The following EVA1B variants were observed in gnomAD, a reference collection of about 807,000 sequenced individuals.
The protein encoded by EVA1B is eva-1 homolog B, also known as protein eva-1 homolog B.
EVA1B carries 2 observed loss-of-function variants against 4.6 expected under a neutral mutation model. That is an observed-to-expected ratio of 0.43 (90% CI 0.18 to 1.37). The LOEUF (loss-of-function observed/expected upper bound fraction) is 1.37. Ranked by LOEUF, EVA1B falls within the 40% of genes most tolerant of loss-of-function variation. The pLI is 0.28. For missense variants in EVA1B, 263 were observed against 240.4 expected, an observed-to-expected ratio of 1.09 and a Z score of -0.62; for synonymous variants, 124 against 115.8, an observed-to-expected ratio of 1.07 and a Z score of -0.46.
chr1:36,322,720 G>T lies in EVA1B; in HGVS notation c.73C>A (p.Pro25Thr). Residue 25 changes from proline to threonine, a missense_variant, in exon 3 of 3, where the codon CCC (proline) becomes ACC (threonine). Physicochemically the swap from Pro to Thr is conservative, Grantham distance 38. Transcript: ENST00000490466. ...LAAYAHIRANPESFGLYFVLG... is the reference protein window; with the variant it reads ...LAAYAHIRANTESFGLYFVLG... ...ACGAAGTAGAGGCCGAAGCTCTCGG[G>T]GTTGGCTGCGGGGCACAGGGCGGGG... The T allele has an allele frequency of 1.3e-6, 2 of 1,546,740 alleles. No individual in the cohort carries two copies. The highest frequency in any genetic ancestry group is 2.7e-5 in the African/African-American group (2 of 73,104).
At position 36,322,498 on chromosome 1, in the gene EVA1B, C is replaced by A; in HGVS notation, c.295G>T (p.Glu99Ter). The A allele has an allele frequency of 6.2e-7, 1 of 1,602,696 alleles. No homozygotes were observed. The highest frequency in any genetic ancestry group is 8.5e-7 in the Non-Finnish European group (1 of 1,178,904). The change falls in exon 3 of 3, where the codon GAG (glutamate) becomes TAG (stop). Residue 99 changes from glutamate to a stop codon, truncating the protein, a stop_gained. Coordinates refer to ENST00000490466, the MANE Select transcript of EVA1B (RefSeq NM_001304762.2). LOFTEE classifies it high-confidence loss of function. The part of the protein sequence containing the change: ...LGPDDTLPGP[E>*]LSAEPDGPLN... ...GGCCCGTCCGGCTCTGCGGACAGCTCGGGGCCCGGCAGCGTGTCGTCGGGG... is the reference window on the plus strand; with the variant it reads ...GGCCCGTCCGGCTCTGCGGACAGCTAGGGGCCCGGCAGCGTGTCGTCGGGG...
chr1:36,322,838 A>G, intron 2 of EVA1B, 113 bp from the exon 3 acceptor site: 2 of 1,483,664 alleles, frequency 1.3e-6, no homozygotes, highest in Non-Finnish European at 1.8e-6. Context: ...CCCTACTCGA[A>G]GGGCATTAGG....
chr1:36,322,815 C>T, intron 2 of EVA1B, 90 bp from the exon 3 acceptor site: 4 of 1,486,234 alleles, frequency 2.7e-6, no homozygotes, highest in Non-Finnish European at 3.7e-6. Flanking sequence ...GGTGTGGGGG[C>T]GAGGCCTGTA....
At chr1:36,323,847 T>G (rs1646512078), upstream of EVA1B, 1 of 152,232 alleles carries the variant, frequency 6.6e-6, no homozygotes, top group African/African-American at 2.4e-5. Context: ...GAGCTCTGCC[T>G]GCGTGCGGGC....
At chr1:36,323,177 G>C (rs1646497589) in intron 1 of EVA1B, 110 bp from the exon 2 acceptor site, 8 of 913,142 alleles carry the variant, frequency 8.8e-6, no homozygotes, top group Non-Finnish European at 1.3e-5. Flanking sequence ...ACCCTGGAGA[G>C]AGCGCTTCCC....
Position 36,322,364 on chromosome 1 carries a change from C to A in EVA1B, c.429G>T (p.Leu143=). The A allele has an allele frequency of 6.3e-7, 1 of 1,588,144 alleles. No individual in the cohort carries two copies. Among genetic ancestry groups the A allele is most frequent in the Non-Finnish European group, 8.5e-7 (1 of 1,174,902 alleles). The stretch of plus-strand genomic sequence containing the variant: ...TGGGCCCCAGCGTGCCTGTGCCCAG[C>A]AGGTCCGGCTGCCCGGTGCGCCAGA... ...REIWRTGQPD[L]LGTGTLGPSP... Residue 143 remains leucine, a synonymous_variant, in exon 3 of 3, where the codon CTG becomes CTT. Transcript: ENST00000490466.
At position 36,323,082 on chromosome 1, in the gene EVA1B, A is replaced by C. The variant is rs1205771187; in HGVS notation, c.-30-15T>G. The C allele has an allele frequency of 6.3e-7, 1 of 1,584,036 alleles. No individual in the cohort carries two copies. The highest frequency in any genetic ancestry group is 8.6e-7 in the Non-Finnish European group (1 of 1,168,930). Reference sequence around the variant, plus strand: ...CCCCTACCAGCCTGCGAGGTCAGCAAAGTCAGATCCTTCTCCCAGCCTGGA... The same window carrying C: ...CCCCTACCAGCCTGCGAGGTCAGCACAGTCAGATCCTTCTCCCAGCCTGGA... On this transcript the variant is annotated splice_polypyrimidine_tract_variant and intron_variant, in intron 1 of 2. Transcript: ENST00000490466.
chr1:36,322,819 G>A lies in EVA1B; in HGVS notation c.68-94C>T, dbSNP rs576634477. The stretch of plus-strand genomic sequence containing the variant: ...CCCAGGTTCTAGGTGTGGGGGCGAG[G>A]CCTGTAACCCCTACTCGAAGGGCAT... On this transcript the variant is annotated intron_variant, in intron 2 of 2. Coordinates refer to ENST00000490466, the MANE Select transcript of EVA1B (RefSeq NM_001304762.2). The A allele has an allele frequency of 2.7e-6, 4 of 1,483,916 alleles. No homozygotes were observed. The African/African-American group carries it at 5.5e-5, about 21-fold the overall frequency. The allele number at this position is 1,483,916 out of a possible 1,614,324, so 91.9% of individuals were successfully genotyped here.
At position 36,322,288 on chromosome 1, in the gene EVA1B, G is replaced by T. The variant is rs1219993986; in HGVS notation, c.*7C>A. 1 of 1,502,228 alleles carries T rather than the reference G, an allele frequency of 6.7e-7. No individual in the cohort carries two copies. The highest frequency in any genetic ancestry group is 8.8e-7 in the Non-Finnish European group (1 of 1,132,776). The allele number at this position is 1,502,228 out of a possible 1,614,324, so 93.1% of individuals were successfully genotyped here. ...CCCGAGCGCCTTGCAGCGGGAGCCGGGGCCCATCAGTAATAGTGCATGCGG... is the reference window on the plus strand; with the variant it reads ...CCCGAGCGCCTTGCAGCGGGAGCCGTGGCCCATCAGTAATAGTGCATGCGG... On this transcript the variant is annotated 3_prime_UTR_variant, in exon 3 of 3. Transcript: ENST00000490466.
Position 36,322,428 on chromosome 1 carries a change from G to T in EVA1B, c.365C>A (p.Ala122Glu), listed in dbSNP as rs1382539537. The change falls in exon 3 of 3, where the codon GCG becomes GAG. Residue 122 changes from alanine to glutamate, a missense_variant. Ala to Glu is a moderately radical substitution (Grantham distance 107). Transcript: ENST00000490466. ...CCGTTCGCGCTCCTCCAGCCGCTGC[G>T]CCCGCTCCAGCTCCTCCGCCGACGT... ...VFTSAEELER[A>E]QRLEERERIL... 1.9e-6 allele frequency: 3 copies of T among 1,602,962 alleles called. No individual in the cohort carries two copies. Among genetic ancestry groups the T allele is most frequent in the Non-Finnish European group, 1.7e-6 (2 of 1,179,354 alleles).
At position 36,322,362 on chromosome 1, in the gene EVA1B, A is replaced by AG; in HGVS notation, c.430dup (p.Leu144ProfsTer100). 6.3e-7 allele frequency: 1 copy of AG among 1,588,196 alleles called. No individual in the cohort carries two copies. Among genetic ancestry groups the AG allele is most frequent in the Non-Finnish European group, 8.5e-7 (1 of 1,175,028 alleles). ...GCTGGGCCCCAGCGTGCCTGTGCCC[A>AG]GCAGGTCCGGCTGCCCGGTGCGCCA... is the stretch of plus-strand genomic sequence containing the variant. On this transcript the variant is annotated frameshift_variant, in exon 3 of 3. Transcript: ENST00000490466. LOFTEE classifies it high-confidence loss of function.
Position 36,322,042 on chromosome 1 carries a change from C to T in EVA1B, c.*253G>A. On this transcript the variant is annotated 3_prime_UTR_variant, in exon 3 of 3. Coordinates refer to ENST00000490466, the MANE Select transcript of EVA1B (RefSeq NM_001304762.2). ...GGGAGAGACTGAGTCACTGAGAATG[C>T]AGCTTTCTTTCATTTGGTCACTTCA... The T allele has an allele frequency of 7.7e-7, 1 of 1,304,558 alleles. No homozygotes were observed. The highest frequency in any genetic ancestry group is 3.1e-5 in the East Asian group (1 of 32,282). 80.8% of individuals were successfully genotyped at this position (1,304,558 alleles called of 1,614,324 possible).
rs1270131700 is a variant in EVA1B, at chr1:36,322,840, G to A, written c.68-115C>T. The stretch of plus-strand genomic sequence containing the variant: ...CGAGGCCTGTAACCCCTACTCGAAG[G>A]GCATTAGGGAACCGCCAGCGGGCAA... On this transcript the variant is annotated intron_variant, in intron 2 of 2. Coordinates refer to ENST00000490466, the MANE Select transcript of EVA1B (RefSeq NM_001304762.2). 14 of 1,490,140 alleles carry A rather than the reference G, an allele frequency of 9.4e-6. No individual in the cohort carries two copies. The East Asian group carries it at 2.1e-4, about 22-fold the overall frequency. The allele number at this position is 1,490,140 out of a possible 1,614,324, so 92.3% of individuals were successfully genotyped here.
chr1:36,322,143 G>C lies in EVA1B; in HGVS notation c.*152C>G. 2 of 1,355,064 alleles carry C rather than the reference G, an allele frequency of 1.5e-6. No homozygotes were observed. Among genetic ancestry groups the C allele is most frequent in the African/African-American group, 1.5e-5 (1 of 64,922 alleles). 83.9% of individuals were successfully genotyped at this position (1,355,064 alleles called of 1,614,324 possible). A position where few individuals can be genotyped will look rare whatever the true frequency, so the allele number is the denominator to read the frequency against. ...CCCCGCCCCCGGGGTCTTCTGGCAG[G>C]ACTGGGGAAGGGAGCCTCTCAGGGG... On this transcript the variant is annotated 3_prime_UTR_variant, in exon 3 of 3. Coordinates refer to ENST00000490466, the MANE Select transcript of EVA1B (RefSeq NM_001304762.2).
Position 36,322,741 on chromosome 1 carries a change from C to A in EVA1B, c.68-16G>T, listed in dbSNP as rs1431530624. Reference sequence around the variant, plus strand: ...TCGGGGTTGGCTGCGGGGCACAGGGCGGGGGTCACGGAGAGGCCCGGACGG... The same window carrying A: ...TCGGGGTTGGCTGCGGGGCACAGGGAGGGGGTCACGGAGAGGCCCGGACGG... On this transcript the variant is annotated splice_polypyrimidine_tract_variant and intron_variant, in intron 2 of 2. Coordinates refer to ENST00000490466, the MANE Select transcript of EVA1B (RefSeq NM_001304762.2). The A allele has an allele frequency of 6.5e-7, 1 of 1,543,700 alleles. No individual in the cohort carries two copies. Among genetic ancestry groups the A allele is most frequent in the South Asian group, 1.2e-5 (1 of 83,904 alleles).
Position 36,322,042 on chromosome 1 carries a change from C to A in EVA1B, c.*253G>T. 1.5e-6 allele frequency: 2 copies of A among 1,304,558 alleles called. No individual in the cohort carries two copies. Among genetic ancestry groups the A allele is most frequent in the Non-Finnish European group, 1.9e-6 (2 of 1,030,710 alleles). 80.8% of individuals were successfully genotyped at this position (1,304,558 alleles called of 1,614,324 possible). On this transcript the variant is annotated 3_prime_UTR_variant, in exon 3 of 3. Transcript: ENST00000490466. ...GGGAGAGACTGAGTCACTGAGAATG[C>A]AGCTTTCTTTCATTTGGTCACTTCA...
rs764317016 is a variant in EVA1B at position 36,322,599 on chromosome 1, CGCTGAGCCGGGCCCCGGG to C, written c.176_193del (p.Pro59_Gln64del). 5.1e-6 allele frequency: 8 copies of C among 1,559,438 alleles called. No individual in the cohort carries two copies. Among genetic ancestry groups the C allele is most frequent in the Non-Finnish European group, 6.1e-6 (7 of 1,156,712 alleles). On this transcript the variant is annotated inframe_deletion, in exon 3 of 3. Coordinates refer to ENST00000490466, the MANE Select transcript of EVA1B (RefSeq NM_001304762.2). ...CAGGGTGCTGCTGCGGGGGTCCCGG[CGCTGAGCCGGGCCCCGGG>C]GCCGCGGGCGGGGCGCCCACGAGAT...
chr1:36,323,833 G>C (rs1334800511), upstream of EVA1B: 1 of 152,342 alleles, frequency 6.6e-6, no homozygotes, highest in South Asian at 2.1e-4. Flanking sequence ...CAACAGAGAG[G>C]CTGGAGCTCT....
Position 36,322,383 on chromosome 1 carries a change from C to G in EVA1B, c.410G>C (p.Arg137Pro). Residue 137 changes from arginine to proline, a missense_variant, in exon 3 of 3, where the codon CGC becomes CCC. By Grantham distance (103) the Arg-to-Pro change is moderately radical. Transcript: ENST00000490466. ...GCCCAGCAGGTCCGGCTGCCCGGTG[C>G]GCCAGATCTCCCGCAGGATCCGTTC... ...ERERILREIW[R>P]TGQPDLLGTG... 1.9e-6 allele frequency: 3 copies of G among 1,594,784 alleles called. No individual in the cohort carries two copies. Among genetic ancestry groups the G allele is most frequent in the South Asian group, 2.2e-5 (2 of 90,072 alleles).
Sources: gnomAD v4.1 joint callset for allele counts on GRCh38, gnomAD v4.1.1 for gene constraint, MANE v1.5 for transcripts, NCBI Gene and HGNC (gene_info 2026-07-23, HGNC 2026-07-21) for gene names.